Variants in MLLT3 observed in about 807,000 individuals in gnomAD.
MLLT3 encodes protein AF-9.
In MLLT3, 4 loss-of-function variants were observed where a neutral mutation model predicts 53.2. The ratio of observed to expected loss-of-function variants is 0.08; its 90% CI spans 0.04 to 0.17. The LOEUF is 0.17. Ranked by LOEUF, MLLT3 falls within the 10% of genes least tolerant of loss-of-function variation. The pLI is 1.00. For missense variants in MLLT3, 569 were observed against 684.0 expected (o/e 0.83, Z 1.87); for synonymous variants, 283 against 230.6 (o/e 1.23, Z -2.06).
intron 2 of MLLT3, among the ~76,000 whole-genome samples, chr9:20,536,139 C>A (rs1201764002): frequency 6.6e-6 from 1 of 151,988 alleles, no homozygotes; most frequent in African/African-American, 2.4e-5. Context: ...GTCATTAATT[C>A]AGCCATGCGA....
chr9:20,359,278 T>C (rs1209652463), intron 8 of MLLT3, among the ~76,000 whole-genome samples: 1 of 151,998 alleles, frequency 6.6e-6, no homozygotes, highest in Non-Finnish European at 1.5e-5. Flanking sequence ...TGTTCTCAGC[T>C]GATTGGCCAT....
intron 4 of MLLT3, among the ~76,000 whole-genome samples, chr9:20,433,061 C>A (rs1449187945): frequency 6.6e-6 from 1 of 151,930 alleles, no homozygotes; most frequent in Non-Finnish European, 1.5e-5. Context: ...GCCCCCTTAA[C>A]AATTCAGTCC....
rs183914479 is a variant in MLLT3, at chr9:20,399,477, G to A, written c.1125+14244C>T. 1.5e-4 allele frequency among the ~76,000 whole-genome samples: 22 copies of A among 151,708 alleles called. No individual in the cohort carries two copies. In the South Asian group the frequency reaches 1.7e-3, roughly 11 times the overall value. ...CAGGAGAAAAACACTTTAATATGAC[G>A]GAAAAACAATCATCATCCAAGTATA... On this transcript the variant is annotated intron_variant, in intron 5 of 10. Transcript: ENST00000380338.
intron 5 of MLLT3, among the ~76,000 whole-genome samples, chr9:20,370,228 C>A (rs193023294): frequency 6.6e-6 from 1 of 152,300 alleles, no homozygotes; most frequent in East Asian, 1.9e-4. Context: ...ATCCTTGCAA[C>A]ATTTCAAACT....
chr9:20,480,973 A>C lies in MLLT3; in HGVS notation c.194-24187T>G, dbSNP rs552402248. On this transcript the variant is annotated intron_variant, in intron 2 of 10. Transcript: ENST00000380338. The stretch of plus-strand genomic sequence containing the variant: ...ATTGTCATGAGAACTATAATTTTAA[A>C]AGTAATGGCGAAGCACGCACACACA... Among the ~76,000 whole-genome samples the C allele has an allele frequency of 1.1e-3, 174 of 152,354 alleles. No homozygotes were observed. The Middle Eastern group carries it at 0.017, about 15-fold the overall frequency.
chr9:20,531,260 G>C (rs1023166132), intron 2 of MLLT3, among the ~76,000 whole-genome samples: 6 of 151,202 alleles, frequency 4.0e-5, no homozygotes, highest in Non-Finnish European at 5.9e-5. Flanking sequence ...CTCAGCCTCT[G>C]GAGTAGCTGT....
chr9:20,399,685 G>A (rs1446935653), intron 5 of MLLT3, among the ~76,000 whole-genome samples: 4 of 152,076 alleles, frequency 2.6e-5, no homozygotes, highest in African/African-American at 4.8e-5. Flanking sequence ...AATATTTTAC[G>A]ATGACTAAAG....
chr9:20,365,883 G>C, intron 5 of MLLT3, 139 bp from the exon 6 acceptor site: 2 of 770,890 alleles, frequency 2.6e-6, no homozygotes, highest in Non-Finnish European at 2.1e-6. Context: ...TAACACAGGA[G>C]AGTCATGTTG....
At chr9:20,567,304 T>TAAAAAAAAAAAAA (rs35505450) in intron 2 of MLLT3, among the ~76,000 whole-genome samples, 2 of 79,972 alleles carry the variant, frequency 2.5e-5, no homozygotes, top group African/African-American at 4.8e-5. Flanking sequence ...CTATATTCAG[T>TAAAAAAAAAAAAA]AAAAAAAAAA....
intron 5 of MLLT3, among the ~76,000 whole-genome samples, chr9:20,391,590 T>C (rs1390263249): frequency 6.6e-6 from 1 of 152,178 alleles, no homozygotes; most frequent in African/African-American, 2.4e-5. Context: ...ATCCATCTAT[T>C]TATTTACTGA....
chr9:20,444,502 T>C (rs751348685), intron 4 of MLLT3, among the ~76,000 whole-genome samples: 23 of 152,204 alleles, frequency 1.5e-4, no homozygotes, highest in Non-Finnish European at 1.3e-4. Flanking sequence ...ATAATAAATA[T>C]GAATAATAAT....
At chr9:20,374,107 G>A (rs766011413) in intron 5 of MLLT3, among the ~76,000 whole-genome samples, 16 of 152,114 alleles carry the variant, frequency 1.1e-4, no homozygotes, top group Non-Finnish European at 1.9e-4. Flanking sequence ...AACAAGCTAG[G>A]TGCAGCGGCA....
intron 2 of MLLT3, among the ~76,000 whole-genome samples, chr9:20,499,414 G>C (rs1322708534): frequency 6.6e-6 from 1 of 152,160 alleles, no homozygotes; most frequent in Non-Finnish European, 1.5e-5. Flanking sequence ...TGTGAGGGGA[G>C]AGGGTACACA....
chr9:20,618,834 T>C (rs932394412), intron 2 of MLLT3, among the ~76,000 whole-genome samples: 3 of 152,090 alleles, frequency 2.0e-5, no homozygotes, highest in Non-Finnish European at 4.4e-5. Context: ...AAAATAGAGG[T>C]TGATCATCTT....
intron 2 of MLLT3, among the ~76,000 whole-genome samples, chr9:20,490,920 GA>G (rs1413860099): frequency 4.6e-5 from 7 of 152,020 alleles, no homozygotes; most frequent in African/African-American, 1.7e-4. Flanking sequence ...GTATATTCAA[GA>G]AAACTAATTG....
intron 2 of MLLT3, among the ~76,000 whole-genome samples, chr9:20,554,527 TAAGA>T (rs762824220): frequency 1.2e-4 from 19 of 152,132 alleles, no homozygotes; most frequent in Middle Eastern, 3.4e-3. Flanking sequence ...TAAGATGCAA[TAAGA>T]AAGAAAATCA....
At chr9:20,474,444 T>C (rs1338161642) in intron 2 of MLLT3, among the ~76,000 whole-genome samples, 1 of 152,090 alleles carries the variant, frequency 6.6e-6, no homozygotes, top group East Asian at 1.9e-4. Context: ...ACTCTCAAGG[T>C]ATTGCTGTTA....
At chr9:20,611,063 G>A (rs565263198) in intron 2 of MLLT3, among the ~76,000 whole-genome samples, 16 of 152,158 alleles carry the variant, frequency 1.1e-4, no homozygotes, top group African/African-American at 3.1e-4. Flanking sequence ...AAAAAAGGTC[G>A]TAATTATTTA....
At chr9:20,460,122 T>C (rs1262836529) in intron 2 of MLLT3, among the ~76,000 whole-genome samples, 1 of 152,218 alleles carries the variant, frequency 6.6e-6, no homozygotes. Context: ...GCAATTCTTT[T>C]TTAAACAAGT....
Sources: allele counts gnomAD v4.1 joint callset (sites outside exome capture counted in the v4.1 genomes callset), GRCh38; gene constraint gnomAD v4.1.1; transcripts MANE v1.5; gene names NCBI Gene and HGNC (gene_info 2026-07-23, HGNC 2026-07-21).